Variants in DENND2B observed in about 807,000 individuals in gnomAD.
DENND2B encodes the protein DENN domain containing 2B, also known as DENN domain-containing protein 2B.
A neutral mutation model predicts 116.0 loss-of-function variants in DENND2B; 32 were observed. The observed-to-expected ratio is 0.28, with a 90% CI of 0.21 to 0.37. DENND2B has a LOEUF of 0.37. DENND2B is among the 10% of genes least tolerant of loss of function. The probability of loss-of-function intolerance (pLI) is 1.00; values close to 1 mark genes in which losing one functional copy is unlikely to be tolerated. For synonymous variants in DENND2B, 588 were observed against 583.9 expected, an observed-to-expected ratio of 1.01 and a Z score of -0.10; for missense variants, 1,276 against 1,477.7, an observed-to-expected ratio of 0.86 and a Z score of 2.24.
At chr11:8,885,454 GTTA>G (rs72052926) in intron 1 of DENND2B, among the ~76,000 whole-genome samples, 26,185 of 152,090 alleles carry the variant, frequency 0.17, 2,410 homozygotes, top group East Asian at 0.31. Flanking sequence ...TATGTGCATT[GTTA>G]TTATATCTTT....
intron 2 of DENND2B, among the ~76,000 whole-genome samples, chr11:8,868,993 A>G (rs2063681473): frequency 6.6e-6 from 1 of 152,248 alleles, no homozygotes; most frequent in Non-Finnish European, 1.5e-5. Flanking sequence ...TATGCGATTT[A>G]TTTTAAGCTC....
At chr11:8,799,922 TTATTATTATTA>T (rs2060171074) in intron 1 of DENND2B, among the ~76,000 whole-genome samples, 3 of 1,372 alleles carry the variant, frequency 2.2e-3, no homozygotes, top group Admixed American at 0.042. Context: ...CATGTATTTA[TTATTATTATTA>T]TTATTATTAT....
In DENND2B at chr11:8,730,874, G is replaced by A; in HGVS notation, c.416C>T (p.Pro139Leu). ...GGGGCCAGCTGCTGGCCCCGGGAAT[G>A]GCGTGCTCTGGGCAAGGGGGAGGCA... is the stretch of plus-strand genomic sequence containing the variant. The part of the protein sequence containing the change: ...AACLPLAQST[P>L]FPGPAAGPRG... The change falls in exon 3 of 20, where the codon CCA becomes CTA. Residue 139 changes from proline (P) to leucine (L), a missense_variant. Around this residue, in one of 2 missense-constraint regions of DENND2B, gnomAD observed 856 missense variants for 846.6 expected, o/e 1.01. Transcript: ENST00000313726. The surrounding 1 kb of genome is among the most constrained non-coding windows in gnomAD (Gnocchi z 4.1). 1 of 1,613,774 alleles carries A rather than the reference G, an allele frequency of 6.2e-7. No individual in the cohort carries two copies. Among genetic ancestry groups the A allele is most frequent in the Non-Finnish European group, 8.5e-7 (1 of 1,180,032 alleles).
chr11:8,774,312 C>T, intron 1 of DENND2B: 4 of 985,454 alleles, frequency 4.1e-6, no homozygotes, highest in Non-Finnish European at 4.8e-6. Flanking sequence ...ACCTGAAAGG[C>T]TGAAGGCTGC....
Position 8,712,684 on chromosome 11 carries a change from C to G in DENND2B, c.2039G>C (p.Ser680Thr). 6.2e-7 allele frequency: 1 copy of G among 1,611,432 alleles called. No individual in the cohort carries two copies. Among genetic ancestry groups the G allele is most frequent in the Non-Finnish European group, 8.5e-7 (1 of 1,179,128 alleles). The change falls in exon 9 of 20, where the codon AGC (serine) becomes ACC (threonine). Residue 680 changes from serine (S) to threonine (T), a missense_variant. Physicochemically the swap from Ser to Thr is moderately conservative, Grantham distance 58. Transcript: ENST00000313726. This position sits in a 1 kb window ranked among gnomAD's most constrained non-coding sequence, Gnocchi z 4.4. ...HIQSMLKRAP[S>T]YRTLELELLE... Reference sequence around the variant, plus strand: ...CAGCTCCAGCTCCAGCGTGCGATAGCTGGGGGCGCGCTTCAGCATCGACTG... The same window carrying G: ...CAGCTCCAGCTCCAGCGTGCGATAGGTGGGGGCGCGCTTCAGCATCGACTG...
In DENND2B at chr11:8,819,382, G is replaced by C. The variant is rs181249694; in HGVS notation, c.-114-8047C>G. ...ACTGCACGCCACAGCCTGGGTGACA[G>C]AGTGAGACCTTGTCTCAAAAAAAAA... is the stretch of plus-strand genomic sequence containing the variant. On this transcript the variant is annotated intron_variant, in intron 4 of 6. Coordinates refer to the DENND2B transcript ENST00000524757. 1.9e-3 allele frequency among the ~76,000 whole-genome samples: 283 copies of C among 152,176 alleles called. 1 individual carries two copies. In the Middle Eastern group the frequency reaches 0.02, roughly 11 times the overall value.
intron 1 of DENND2B, among the ~76,000 whole-genome samples, chr11:8,777,636 T>G (rs576421427): frequency 7.2e-5 from 11 of 152,324 alleles, no homozygotes; most frequent in African/African-American, 2.2e-4. Context: ...GTGAATCAAG[T>G]GCTCAAAGCT....
At chr11:8,852,779 A>G (rs1328983302) in intron 3 of DENND2B, among the ~76,000 whole-genome samples, 3 of 152,246 alleles carry the variant, frequency 2.0e-5, no homozygotes, top group Non-Finnish European at 4.4e-5. Flanking sequence ...GCAGCCTAGA[A>G]GACTGAACAC....
At chr11:8,734,605 T>A (rs975924095) in intron 2 of DENND2B, among the ~76,000 whole-genome samples, 4 of 151,936 alleles carry the variant, frequency 2.6e-5, no homozygotes, top group Non-Finnish European at 4.4e-5. Context: ...CTGGCCAACA[T>A]GGCGAAACCC....
At chr11:8,758,950 G>T (rs1190210325) in intron 1 of DENND2B, among the ~76,000 whole-genome samples, 1 of 152,198 alleles carries the variant, frequency 6.6e-6, no homozygotes, top group Non-Finnish European at 1.5e-5. Flanking sequence ...CAGCCTCCTG[G>T]CTGCTTGAAA....
upstream of DENND2B, among the ~76,000 whole-genome samples, chr11:8,812,874 A>C (rs994664320): frequency 1.3e-5 from 2 of 152,220 alleles, no homozygotes; most frequent in African/African-American, 2.4e-5. Flanking sequence ...CAGGATGAGG[A>C]CACTGAGGCT....
chr11:8,885,111 C>T (rs1048982438), intron 1 of DENND2B, among the ~76,000 whole-genome samples: 1 of 152,230 alleles, frequency 6.6e-6, no homozygotes, highest in Non-Finnish European at 1.5e-5. Context: ...CCTTGCCATT[C>T]AGAGGCCATT....
chr11:8,861,368 T>A (rs892362428), intron 2 of DENND2B, among the ~76,000 whole-genome samples: 2 of 151,720 alleles, frequency 1.3e-5, no homozygotes, highest in Non-Finnish European at 2.9e-5. Flanking sequence ...ACCGAGCAAA[T>A]GATATGAATA....
chr11:8,777,970 G>A (rs763120449), intron 1 of DENND2B, among the ~76,000 whole-genome samples: 1 of 152,184 alleles, frequency 6.6e-6, no homozygotes, highest in Non-Finnish European at 1.5e-5. Context: ...GAGGCTGAAT[G>A]GGTCTCAGTC....
chr11:8,783,426 T>C (rs2058595219), intron 1 of DENND2B, among the ~76,000 whole-genome samples: 1 of 152,204 alleles, frequency 6.6e-6, no homozygotes, highest in Admixed American at 6.5e-5. Context: ...TAGCTCTGTA[T>C]GTACTGTCTG....
intron 3 of DENND2B, among the ~76,000 whole-genome samples, chr11:8,844,298 G>C (rs1266255013): frequency 1.3e-5 from 2 of 152,182 alleles, no homozygotes; most frequent in African/African-American, 4.8e-5. Context: ...CTACTTGGGA[G>C]GCTAGGTGGG....
At chr11:8,727,547 C>T (rs1466495289) in intron 3 of DENND2B, among the ~76,000 whole-genome samples, 2 of 152,192 alleles carry the variant, frequency 1.3e-5, no homozygotes, top group African/African-American at 4.8e-5. Flanking sequence ...CTTAAAAACT[C>T]TTTCTCACTC....
At chr11:8,799,306 G>A (rs987751569) in intron 1 of DENND2B, among the ~76,000 whole-genome samples, 3 of 152,288 alleles carry the variant, frequency 2.0e-5, no homozygotes, top group East Asian at 1.9e-4. Context: ...GCAGGGACTC[G>A]GAAAGGACAG....
chr11:8,903,589 G>A (rs2064198455), intron 1 of DENND2B, among the ~76,000 whole-genome samples: 1 of 151,304 alleles, frequency 6.6e-6, no homozygotes, highest in African/African-American at 2.4e-5. Flanking sequence ...CAACAAATTA[G>A]ACAACTTAAG....
Sources: gnomAD v4.1 joint callset for allele counts (sites outside exome capture counted in the v4.1 genomes callset) on GRCh38, gnomAD v4.1.1 for gene constraint, gnomAD v4.1.1 regional missense constraint, Gnocchi (gnomAD v3.1) non-coding constraint, MANE v1.5 for transcripts, NCBI Gene and HGNC (gene_info 2026-07-23, HGNC 2026-07-21) for gene names.